ADAMTSL1: variants seen among roughly 807,000 people sequenced by gnomAD.
ADAMTSL1 encodes the protein ADAMTS like 1, also known as ADAMTS-like protein 1.
ADAMTSL1 carries 126 observed loss-of-function variants against 201.8 expected under a neutral mutation model. That is an observed-to-expected ratio of 0.62 (90% CI 0.54 to 0.72). The LOEUF (loss-of-function observed/expected upper bound fraction) is 0.72. ADAMTSL1 is among the 30% of genes least tolerant of loss of function. The pLI is 0.00. For synonymous variants in ADAMTSL1, 1,121 were observed against 903.4 expected, an observed-to-expected ratio of 1.24 and a Z score of -4.32; for missense variants, 2,679 against 2,277.8, an observed-to-expected ratio of 1.18 and a Z score of -3.59.
chr9:18,814,371 T>C (rs78460468), intron 20 of ADAMTSL1, among the ~76,000 whole-genome samples: 2,922 of 152,224 alleles, frequency 0.019, 88 homozygotes, highest in African/African-American at 0.068. Context: ...CCTTGTTGGT[T>C]ACATCCAACT....
chr9:18,037,796 G>A (rs1821263621), intron 1 of ADAMTSL1, among the ~76,000 whole-genome samples: 1 of 152,064 alleles, frequency 6.6e-6, no homozygotes, highest in Admixed American at 6.6e-5. Flanking sequence ...TAAGAGAAAT[G>A]CATCCTCTCC....
chr9:18,229,090 C>A (rs1473514913), intron 2 of ADAMTSL1, among the ~76,000 whole-genome samples: 1 of 152,066 alleles, frequency 6.6e-6, no homozygotes, highest in Non-Finnish European at 1.5e-5. Context: ...GGAGAAGAGG[C>A]ACTTTACAGC....
chr9:18,130,984 C>G (rs948567506), intron 1 of ADAMTSL1, among the ~76,000 whole-genome samples: 8 of 152,080 alleles, frequency 5.3e-5, no homozygotes, highest in African/African-American at 1.7e-4. Flanking sequence ...GGCTGGAATC[C>G]TCAAGAGCAT....
chr9:18,109,070 A>G (rs1271986051), intron 1 of ADAMTSL1, among the ~76,000 whole-genome samples: 1 of 152,200 alleles, frequency 6.6e-6, no homozygotes, highest in Admixed American at 6.5e-5. Context: ...CAGTATCATA[A>G]AAGACTCTTC....
chr9:18,227,558 A>G (rs1316047263), intron 2 of ADAMTSL1, among the ~76,000 whole-genome samples: 1 of 152,182 alleles, frequency 6.6e-6, no homozygotes, highest in African/African-American at 2.4e-5. Context: ...ACATACATCT[A>G]GGCCCCACTC....
chr9:18,397,593 T>C (rs1348324468), intron 2 of ADAMTSL1, among the ~76,000 whole-genome samples: 2 of 152,166 alleles, frequency 1.3e-5, no homozygotes, highest in Admixed American at 6.5e-5. Flanking sequence ...ACTTCTCCCC[T>C]GATTATTTGA....
intron 11 of ADAMTSL1, 112 bp from the exon 12 acceptor site, chr9:18,681,700 G>C (rs544657187): frequency 1.3e-5 from 9 of 673,388 alleles, no homozygotes; most frequent in Admixed American, 9.6e-5. Context: ...CCTCGTGTGG[G>C]GGGGGGGGGC....
intron 1 of ADAMTSL1, among the ~76,000 whole-genome samples, chr9:17,971,746 G>T (rs965134189): frequency 6.6e-5 from 10 of 151,844 alleles, no homozygotes; most frequent in African/African-American, 2.4e-4. Flanking sequence ...TACACTTGAA[G>T]ATGCCTGTCC....
intron 1 of ADAMTSL1, among the ~76,000 whole-genome samples, chr9:18,074,026 C>T (rs1202555234): frequency 6.6e-6 from 1 of 151,736 alleles, no homozygotes; most frequent in Admixed American, 6.6e-5. Context: ...AGGAAGTAGG[C>T]TTGTTTATTC....
At chr9:18,698,925 A>G (rs1324787814) in intron 13 of ADAMTSL1, among the ~76,000 whole-genome samples, 2 of 152,148 alleles carry the variant, frequency 1.3e-5, no homozygotes, top group Non-Finnish European at 2.9e-5. Context: ...AAGACTCCTT[A>G]TAATGTCTTG....
intron 2 of ADAMTSL1, among the ~76,000 whole-genome samples, chr9:18,443,557 CAG>C (rs1218324673): frequency 1.2e-4 from 18 of 152,230 alleles, no homozygotes; most frequent in African/African-American, 4.3e-4. Flanking sequence ...TGTTGGAAGA[CAG>C]AGAGTGGAGG....
chr9:18,167,556 A>G (rs1276046183), intron 2 of ADAMTSL1, among the ~76,000 whole-genome samples: 1 of 151,986 alleles, frequency 6.6e-6, no homozygotes, highest in African/African-American at 2.4e-5. Context: ...ACTAAAAATG[A>G]TTCTGCTTTA....
chr9:17,923,281 T>A (rs1428693172), intron 1 of ADAMTSL1, among the ~76,000 whole-genome samples: 1 of 149,938 alleles, frequency 6.7e-6, no homozygotes, highest in Non-Finnish European at 1.5e-5. Flanking sequence ...GAGCATGGAA[T>A]GTTCTTCCAT....
intron 2 of ADAMTSL1, among the ~76,000 whole-genome samples, chr9:18,417,916 T>C (rs1818756771): frequency 6.6e-6 from 1 of 151,858 alleles, no homozygotes; most frequent in African/African-American, 2.4e-5. Flanking sequence ...ACAAAGATAA[T>C]AAAAAATAAC....
chr9:18,655,586 A>G (rs1828582919), intron 7 of ADAMTSL1, among the ~76,000 whole-genome samples: 1 of 152,048 alleles, frequency 6.6e-6, no homozygotes, highest in East Asian at 1.9e-4. Flanking sequence ...CTTACTTCCC[A>G]GGACTCAGGT....
In ADAMTSL1 at chr9:18,517,766, G is replaced by A. The variant is rs559320311; in HGVS notation, c.191+12810G>A. Among the ~76,000 whole-genome samples the A allele has an allele frequency of 1.7e-3, 252 of 152,234 alleles. 3 individuals are homozygous for A. The highest frequency in any genetic ancestry group is 5.8e-3 in the African/African-American group (239 of 41,546). Reference sequence around the variant, plus strand: ...TTATGGCTGCATAGTATTCCATGGTGTATATGTGCCACATTTTCTTAATCC... The same window carrying A: ...TTATGGCTGCATAGTATTCCATGGTATATATGTGCCACATTTTCTTAATCC... On this transcript the variant is annotated intron_variant, in intron 2 of 28. Coordinates refer to ENST00000380548, the MANE Select transcript of ADAMTSL1 (RefSeq NM_001040272.6).
intron 13 of ADAMTSL1, among the ~76,000 whole-genome samples, chr9:18,700,744 A>G (rs1010992326): frequency 3.3e-5 from 5 of 152,188 alleles, no homozygotes; most frequent in African/African-American, 1.2e-4. Context: ...GATTCAGAGT[A>G]GAATTACTTA....
At chr9:18,591,012 G>C (rs1206576142) in intron 4 of ADAMTSL1, among the ~76,000 whole-genome samples, 1 of 152,122 alleles carries the variant, frequency 6.6e-6, no homozygotes, top group Non-Finnish European at 1.5e-5. Flanking sequence ...GTAGCAGTTG[G>C]ATGAAATATT....
intron 2 of ADAMTSL1, among the ~76,000 whole-genome samples, chr9:18,249,898 A>G (rs1831399691): frequency 6.6e-6 from 1 of 152,188 alleles, no homozygotes; most frequent in South Asian, 2.1e-4. Flanking sequence ...CCGAGGGGCA[A>G]TCTCTAATGT....
Sources: allele counts gnomAD v4.1 joint callset (sites outside exome capture counted in the v4.1 genomes callset), GRCh38; gene constraint gnomAD v4.1.1; transcripts MANE v1.5; gene names NCBI Gene and HGNC (gene_info 2026-07-23, HGNC 2026-07-21).